Variants in NETO1 observed in about 807,000 individuals in gnomAD.
NETO1 encodes the protein neuropilin and tolloid-like protein 1.
In NETO1, 26 loss-of-function variants were observed where a neutral mutation model predicts 61.3. The observed-to-expected ratio is 0.42, with a 90% CI of 0.31 to 0.59. The LOEUF is 0.59. Among genes scored for constraint, NETO1 ranks in the 20% least tolerant of loss-of-function variants. The pLI is 0.12. For missense variants in NETO1, 531 were observed against 662.8 expected (o/e 0.80, Z 2.18); for synonymous variants, 225 against 225.8 (o/e 1.00, Z 0.03).
chr18:72,762,574 G>A (rs756112158), intron 7 of NETO1, among the ~76,000 whole-genome samples: 16 of 152,052 alleles, frequency 1.1e-4, no homozygotes, highest in Non-Finnish European at 1.9e-4. Flanking sequence ...GAAAAAATAC[G>A]AAATGTTAAT....
At chr18:72,835,261 T>C (rs763133041) in intron 4 of NETO1, 2 of 1,549,776 alleles carry the variant, frequency 1.3e-6, no homozygotes, top group Admixed American at 1.7e-5. Flanking sequence ...GATGAGATGA[T>C]GGAGAAGGAG....
intron 7 of NETO1, among the ~76,000 whole-genome samples, chr18:72,764,694 G>A (rs887857674): frequency 1.3e-5 from 2 of 152,122 alleles, no homozygotes; most frequent in African/African-American, 2.4e-5. Flanking sequence ...AATTACCATC[G>A]CAAACAGAAT....
intron 4 of NETO1, among the ~76,000 whole-genome samples, chr18:72,852,426 A>C (rs552347376): frequency 1.3e-5 from 2 of 152,340 alleles, no homozygotes; most frequent in South Asian, 4.1e-4. Flanking sequence ...CGTGTTAGCC[A>C]CGATGGTCTC....
rs550345827 is a variant in NETO1, at chr18:72,774,992, A to T, written c.868+8686T>A. Among the ~76,000 whole-genome samples, 479 of 152,264 alleles carry T rather than the reference A, an allele frequency of 3.1e-3. 5 individuals carry two copies. Among genetic ancestry groups the T allele is most frequent in the African/African-American group, 0.011 (454 of 41,544 alleles). On this transcript the variant is annotated intron_variant, in intron 7 of 10. Coordinates refer to ENST00000327305, the MANE Select transcript of NETO1 (RefSeq NM_138966.5). ...GGTTTCAAAATTGCTTTATAGGATG[A>T]AGTCTGTATATTATTTTTCTGAAGC...
chr18:72,849,661 T>C (rs1405546096), intron 4 of NETO1, among the ~76,000 whole-genome samples: 1 of 152,256 alleles, frequency 6.6e-6, no homozygotes, highest in Non-Finnish European at 1.5e-5. Context: ...AATCAAGTAT[T>C]TGTTTCTTAT....
chr18:72,810,613 A>T (rs1244184363), intron 4 of NETO1, among the ~76,000 whole-genome samples: 1 of 152,236 alleles, frequency 6.6e-6, no homozygotes, highest in East Asian at 1.9e-4. Flanking sequence ...TGTAATTTTG[A>T]AAAGGCACTG....
At position 72,750,107 on chromosome 18, in the gene NETO1, G is replaced by A. The variant is rs766917390; in HGVS notation, c.1496C>T (p.Pro499Leu). 5 of 1,609,616 alleles carry A rather than the reference G, an allele frequency of 3.1e-6. No homozygotes were observed. Among genetic ancestry groups the A allele is most frequent in the East Asian group, 2.2e-5 (1 of 44,854 alleles). Residue 499 changes from proline to leucine, a missense_variant, in exon 9 of 11, where the codon CCG becomes CTG. Physicochemically the swap from Pro to Leu is moderately conservative, Grantham distance 98. Coordinates refer to ENST00000327305, the MANE Select transcript of NETO1 (RefSeq NM_138966.5). ...ACDIDEIEEV[P>L]TTSHRLSRHD... ...TCTGGACAGCCTGTGACTGGTGGTC[G>A]GCACCTCTTCGATTTCATCTATGTC...
At chr18:72,766,372 A>G (rs532653188) in intron 7 of NETO1, among the ~76,000 whole-genome samples, 1 of 152,084 alleles carries the variant, frequency 6.6e-6, no homozygotes, top group East Asian at 1.9e-4. Context: ...TCCAAAACAA[A>G]TGGAAAAATT....
chr18:72,862,707 GCCT>G (rs375018804), intron 3 of NETO1, among the ~76,000 whole-genome samples: 3,164 of 146,578 alleles, frequency 0.022, 122 homozygotes, highest in African/African-American at 0.076. Context: ...TGCAAGCTCC[GCCT>G]CCCGGGTTCA....
At chr18:72,842,880 C>T (rs2073977935) in intron 4 of NETO1, among the ~76,000 whole-genome samples, 1 of 152,136 alleles carries the variant, frequency 6.6e-6, no homozygotes, top group African/African-American at 2.4e-5. Flanking sequence ...GTACAAAGTG[C>T]TTTGAACAAT....
intron 6 of NETO1, among the ~76,000 whole-genome samples, chr18:72,792,884 C>T (rs562007602): frequency 1.3e-5 from 2 of 152,136 alleles, no homozygotes; most frequent in South Asian, 2.1e-4. Context: ...GCTATTCCCT[C>T]TGTCTGGAGA....
intron 8 of NETO1, among the ~76,000 whole-genome samples, chr18:72,753,578 T>C (rs986472077): frequency 2.6e-5 from 4 of 152,182 alleles, no homozygotes; most frequent in Non-Finnish European, 4.4e-5. Flanking sequence ...GTTCAGACAG[T>C]AACTCAAATC....
At chr18:72,813,407 C>T (rs779140435) in intron 4 of NETO1, among the ~76,000 whole-genome samples, 4 of 152,020 alleles carry the variant, frequency 2.6e-5, no homozygotes, top group Admixed American at 2.6e-4. Context: ...GAGTTGTTTA[C>T]AGCAAAAAGT....
intron 4 of NETO1, among the ~76,000 whole-genome samples, chr18:72,829,811 G>T (rs2073514085): frequency 6.6e-6 from 1 of 152,152 alleles, no homozygotes; most frequent in South Asian, 2.1e-4. Context: ...AGACAGAGCT[G>T]CTCTTGCTTT....
chr18:72,746,166 T>C lies in NETO1; in HGVS notation c.*2013A>G, dbSNP rs575330769. ...CACCTAACTTATTTCACTATTTTTA[T>C]TGCTGTTACAAATAAAAAATCTTGA... On this transcript the variant is annotated 3_prime_UTR_variant, in exon 11 of 11. Coordinates refer to ENST00000327305, the MANE Select transcript of NETO1 (RefSeq NM_138966.5). Among the ~76,000 whole-genome samples, 14 of 152,324 alleles carry C rather than the reference T, an allele frequency of 9.2e-5. No homozygotes were observed. The East Asian group carries it at 2.3e-3, about 25-fold the overall frequency.
rs2070502157 is a variant in NETO1, at chr18:72,749,083, C to A, written c.1547G>T (p.Cys516Phe). The A allele has an allele frequency of 3.8e-6, 6 of 1,595,520 alleles. No homozygotes were observed. The highest frequency in any genetic ancestry group is 5.2e-6 in the Non-Finnish European group (6 of 1,163,436). ...SRHDKAVQRF[C>F]LIGSLSKHES... Reference sequence around the variant, plus strand: ...ATGTTTGCTTAGAGACCCAATGAGGCAGAACCTGGAATGTTATGGCTATTT... The same window carrying A: ...ATGTTTGCTTAGAGACCCAATGAGGAAGAACCTGGAATGTTATGGCTATTT... The change falls in exon 10 of 11, where the codon TGC (cysteine) becomes TTC (phenylalanine). Residue 516 changes from cysteine (C) to phenylalanine (F), a missense_variant. Physicochemically the swap from Cys to Phe is radical, Grantham distance 205. Transcript: ENST00000327305.
chr18:72,823,252 A>AT (rs1285200899), intron 4 of NETO1, among the ~76,000 whole-genome samples: 1 of 152,208 alleles, frequency 6.6e-6, no homozygotes, highest in Non-Finnish European at 1.5e-5. Context: ...TGGTAGTGAG[A>AT]GACAATATGA....
chr18:72,813,633 T>C (rs2072937505), intron 4 of NETO1, among the ~76,000 whole-genome samples: 1 of 151,900 alleles, frequency 6.6e-6, no homozygotes. Flanking sequence ...ACTAAATAAA[T>C]GTAGAAATGA....
chr18:72,763,131 C>T (rs1484283864), intron 7 of NETO1, among the ~76,000 whole-genome samples: 3 of 123,244 alleles, frequency 2.4e-5, no homozygotes, highest in South Asian at 2.9e-4. Context: ...TATTAGATTT[C>T]GTTTTTTTTT....
Sources: allele counts gnomAD v4.1 joint callset (sites outside exome capture counted in the v4.1 genomes callset), GRCh38; gene constraint gnomAD v4.1.1; transcripts MANE v1.5; gene names NCBI Gene and HGNC (gene_info 2026-07-23, HGNC 2026-07-21).